Variants in USP49 observed in about 807,000 individuals in gnomAD.
The protein encoded by USP49 is ubiquitin carboxyl-terminal hydrolase 49.
Under a neutral mutation model 58.6 loss-of-function variants are expected in USP49, and 24 were observed. That is an observed-to-expected ratio of 0.41 (90% CI 0.30 to 0.58). USP49 has a LOEUF of 0.58. USP49 is among the 20% of genes least tolerant of loss of function. The pLI, the probability that USP49 is intolerant of heterozygous loss-of-function variation, is 0.30. For synonymous variants in USP49, 408 were observed against 365.1 expected (o/e 1.12, Z -1.34); for missense variants, 703 against 866.1 (o/e 0.81, Z 2.36).
At chr6:41,814,673 G>T (rs906249332) in intron 3 of USP49, among the ~76,000 whole-genome samples, 6 of 151,996 alleles carry the variant, frequency 3.9e-5, no homozygotes, top group Non-Finnish European at 2.9e-5. Flanking sequence ...ACTTTAGAGA[G>T]AATTCCATTT....
rs985499774 is a variant in USP49, at chr6:41,790,380, A to G, written c.*6153T>C. 2.0e-5 allele frequency: 3 copies of G among 152,304 alleles called. No individual in the cohort carries two copies. Among genetic ancestry groups the G allele is most frequent in the Admixed American group, 6.5e-5 (1 of 15,302 alleles). 9.4% of individuals were successfully genotyped at this position (152,304 alleles called of 1,614,324 possible). ...TGACCCTAAAATTCATGGTAGTGCT[A>G]CTGTCCAGGGTTTGGGGGCTCTTTG... On this transcript the variant is annotated 3_prime_UTR_variant, in exon 8 of 8. Coordinates refer to ENST00000682992, the MANE Select transcript of USP49 (RefSeq NM_001286554.2).
chr6:41,829,195 G>A (rs1430671970), intron 3 of USP49, among the ~76,000 whole-genome samples: 9 of 152,068 alleles, frequency 5.9e-5, no homozygotes, highest in Non-Finnish European at 1.0e-4. Context: ...AATATTTAAC[G>A]ACCATTTTGA....
chr6:41,860,254 A>C (rs1191303351), intron 3 of USP49, among the ~76,000 whole-genome samples: 1 of 151,734 alleles, frequency 6.6e-6, no homozygotes, highest in African/African-American at 2.4e-5. Context: ...TATAGCTTGC[A>C]AGGAGAGAGG....
intron 3 of USP49, among the ~76,000 whole-genome samples, chr6:41,849,193 A>T (rs1012130406): frequency 7.2e-5 from 11 of 152,342 alleles, no homozygotes; most frequent in Admixed American, 7.2e-4. Flanking sequence ...TAGATTTTAA[A>T]TAAAAAACTC....
intron 3 of USP49, among the ~76,000 whole-genome samples, chr6:41,836,124 G>A: frequency 6.6e-6 from 1 of 152,098 alleles, no homozygotes; most frequent in Admixed American, 6.5e-5. Context: ...ACAGTTAACA[G>A]ACATAGGTAG....
Position 41,805,952 on chromosome 6 carries a change from G to A in USP49, c.1032C>T (p.Leu344=). ...GRASISRSLE[L]IQNKEPSSKH... Reference sequence around the variant, plus strand: ...TTGAACTCGGCTCCTTGTTCTGGATGAGCTCCAGACTCCGACTAATGGAGG... The same window carrying A: ...TTGAACTCGGCTCCTTGTTCTGGATAAGCTCCAGACTCCGACTAATGGAGG... The change falls in exon 4 of 8, where the codon CTC becomes CTT. Residue 344 remains leucine, a synonymous_variant. Transcript: ENST00000682992. 2 of 1,613,908 alleles carry A rather than the reference G, an allele frequency of 1.2e-6. No individual in the cohort carries two copies. Among genetic ancestry groups the A allele is most frequent in the Non-Finnish European group, 8.5e-7 (1 of 1,180,024 alleles).
chr6:41,809,226 TA>T (rs147542602), intron 3 of USP49, among the ~76,000 whole-genome samples: 204 of 138,718 alleles, frequency 1.5e-3, no homozygotes, highest in Middle Eastern at 3.7e-3. Context: ...TCTTTAAAAT[TA>T]AAAAAAAAAA....
At chr6:41,860,843 G>T (rs151145671) in intron 3 of USP49, among the ~76,000 whole-genome samples, 1 of 152,002 alleles carries the variant, frequency 6.6e-6, no homozygotes, top group African/African-American at 2.4e-5. Flanking sequence ...GAACTCATAG[G>T]CCAGGCACGG....
chr6:41,803,584 G>A lies in USP49; in HGVS notation c.1561+222C>T, dbSNP rs997528397. On this transcript the variant is annotated intron_variant, in intron 5 of 7. Transcript: ENST00000682992. This position sits in a 1 kb window ranked among gnomAD's most constrained non-coding sequence, Gnocchi z 4.1. ...CTCCCAAAATGCTGGGATTACAGGC[G>A]TGAGCCACAACGCCCAGCCTTGTTT... Among the ~76,000 whole-genome samples, 5 of 152,224 alleles carry A rather than the reference G, an allele frequency of 3.3e-5. No homozygotes were observed. Among genetic ancestry groups the A allele is most frequent in the Admixed American group, 1.3e-4 (2 of 15,288 alleles).
In USP49 at chr6:41,794,234, T is replaced by C. The variant is rs1462837892; in HGVS notation, c.*2299A>G. The C allele has an allele frequency of 6.6e-6, 1 of 152,330 alleles. No homozygotes were observed. The highest frequency in any genetic ancestry group is 1.5e-5 in the Non-Finnish European group (1 of 68,042). The allele number at this position is 152,330 out of a possible 1,614,324, so 9.4% of individuals were successfully genotyped here. On this transcript the variant is annotated 3_prime_UTR_variant, in exon 8 of 8. Coordinates refer to ENST00000682992, the MANE Select transcript of USP49 (RefSeq NM_001286554.2). ...GCTCAGTGGAGACTCTGATGTTAGT[T>C]TCTTTTATTACTTTGATATATGCGT...
chr6:41,803,707 C>T lies in USP49; in HGVS notation c.1561+99G>A. The T allele has an allele frequency of 2.4e-6, 3 of 1,273,084 alleles. No homozygotes were observed. The highest frequency in any genetic ancestry group is 3.4e-6 in the Non-Finnish European group (3 of 893,434). 78.9% of individuals were successfully genotyped at this position (1,273,084 alleles called of 1,614,324 possible). On this transcript the variant is annotated intron_variant, in intron 5 of 7. Coordinates refer to ENST00000682992, the MANE Select transcript of USP49 (RefSeq NM_001286554.2). The surrounding 1 kb of genome is among the most constrained non-coding windows in gnomAD (Gnocchi z 4.1). ...AAGATGCTTTAGAACCATTCAATAT[C>T]ATTAGTGTTACTTTTGACTAAAGAG... is the stretch of plus-strand genomic sequence containing the variant.
chr6:41,813,753 C>T (rs1554143672), intron 3 of USP49, among the ~76,000 whole-genome samples: 1 of 152,110 alleles, frequency 6.6e-6, no homozygotes, highest in African/African-American at 2.4e-5. Flanking sequence ...CTAGGCAGAC[C>T]AGCTTCTCTA....
intron 2 of USP49, among the ~76,000 whole-genome samples, chr6:41,882,257 T>C (rs960297054): frequency 3.9e-5 from 6 of 152,136 alleles, no homozygotes; most frequent in African/African-American, 9.7e-5. Context: ...GTGCTAAACA[T>C]ACCTACTCTA....
intron 3 of USP49, among the ~76,000 whole-genome samples, chr6:41,823,846 G>C (rs1010712874): frequency 5.3e-5 from 8 of 152,098 alleles, no homozygotes; most frequent in African/African-American, 1.9e-4. Flanking sequence ...GGTCGGGAGA[G>C]AGGGAGAGAG....
intron 3 of USP49, among the ~76,000 whole-genome samples, chr6:41,852,558 C>T (rs1774049295): frequency 6.6e-6 from 1 of 152,124 alleles, no homozygotes; most frequent in Non-Finnish European, 1.5e-5. Context: ...GACTATAAAA[C>T]ATTGTGGAAA....
intron 3 of USP49, among the ~76,000 whole-genome samples, chr6:41,859,035 G>A (rs1454346505): frequency 2.0e-5 from 3 of 152,214 alleles, no homozygotes; most frequent in South Asian, 2.1e-4. Flanking sequence ...CCATTGCCTC[G>A]ATTCTAATTT....
chr6:41,889,340 A>T (rs1185029045), intron 2 of USP49, among the ~76,000 whole-genome samples: 1 of 152,096 alleles, frequency 6.6e-6, no homozygotes, highest in African/African-American at 2.4e-5. Flanking sequence ...GCCAACCAAT[A>T]TTCTTAAAGC....
In USP49 at chr6:41,790,227, A is replaced by C. The variant is rs1359699756; in HGVS notation, c.*6306T>G. On this transcript the variant is annotated 3_prime_UTR_variant, in exon 8 of 8. Transcript: ENST00000682992. Reference sequence around the variant, plus strand: ...GACACCAGGGAGGCATCATTGCTGGAATAGTGAGGTTTGGTGGCAGAAAGA... The same window carrying C: ...GACACCAGGGAGGCATCATTGCTGGCATAGTGAGGTTTGGTGGCAGAAAGA... 3 of 152,224 alleles carry C rather than the reference A, an allele frequency of 2.0e-5. No individual in the cohort carries two copies. Among genetic ancestry groups the C allele is most frequent in the African/African-American group, 7.2e-5 (3 of 41,436 alleles). The allele number at this position is 152,224 out of a possible 1,614,324, so 9.4% of individuals were successfully genotyped here. A position where few individuals can be genotyped will look rare whatever the true frequency, so the allele number is the denominator to read the frequency against.
At chr6:41,799,231 G>A (rs1254822503) in intron 6 of USP49, among the ~76,000 whole-genome samples, 1 of 151,972 alleles carries the variant, frequency 6.6e-6, no homozygotes, top group East Asian at 1.9e-4. Context: ...TCAGCCTCCC[G>A]AGTAGGTGGG....
Sources: gnomAD v4.1 joint callset for allele counts (sites outside exome capture counted in the v4.1 genomes callset) on GRCh38, gnomAD v4.1.1 for gene constraint, Gnocchi (gnomAD v3.1) non-coding constraint, MANE v1.5 for transcripts, NCBI Gene and HGNC (gene_info 2026-07-23, HGNC 2026-07-21) for gene names.